USF3: variants seen among roughly 807,000 people sequenced by gnomAD.
USF3 encodes the protein upstream transcription factor family member 3, also known as basic helix-loop-helix domain-containing protein USF3.
A neutral mutation model predicts 157.5 loss-of-function variants in USF3; 29 were observed. The observed-to-expected ratio is 0.18, with a 90% CI of 0.14 to 0.25. The LOEUF is 0.25. Ranked by LOEUF, USF3 falls within the 10% of genes least tolerant of loss-of-function variation. USF3 has a pLI of 1.00. For synonymous variants in USF3, 893 were observed against 941.4 expected (o/e 0.95, Z 0.94); for missense variants, 2,381 against 2,667.6 (o/e 0.89, Z 2.37).
At position 113,658,664 on chromosome 3, in the gene USF3, T is replaced by C; in HGVS notation, c.3018A>G (p.Thr1006=). The C allele has an allele frequency of 6.2e-7, 1 of 1,613,746 alleles. No homozygotes were observed. Among genetic ancestry groups the C allele is most frequent in the Non-Finnish European group, 8.5e-7 (1 of 1,179,868 alleles). The change falls in exon 7 of 7, where the codon ACA becomes ACG. Residue 1006 remains threonine (T), a synonymous_variant. Coordinates refer to ENST00000316407, the MANE Select transcript of USF3 (RefSeq NM_001009899.4). ...TGLLKGQGLT[T]LLSDLAKKKN... is the part of the protein sequence containing the mutation. ...TTTTTTTAGCAAGATCAGATAGCAA[T>C]GTAGTTAAACCTTGCCCCTTTAAGA...
At position 113,655,672 on chromosome 3, in the gene USF3, T is replaced by G. The variant is rs370598522; in HGVS notation, c.6010A>C (p.Ser2004Arg). Residue 2004 changes from serine to arginine, a missense_variant, in exon 7 of 7, where the codon AGT becomes CGT. Around this residue, in one of 6 missense-constraint regions of USF3, gnomAD observed 770 missense variants for 824.2 expected, o/e 0.93. Coordinates refer to ENST00000316407, the MANE Select transcript of USF3 (RefSeq NM_001009899.4). Reference protein sequence around the residue: ...ERNRSGNQRQSTVFDPSLPHL... With the variant: ...ERNRSGNQRQRTVFDPSLPHL... ...GGAAGACTTGGATCAAAGACAGTAC[T>G]TTGCCTTTGGTTTCCAGAACGATTC... is the stretch of plus-strand genomic sequence containing the variant. The G allele has an allele frequency of 1.9e-6, 3 of 1,613,976 alleles. No homozygotes were observed. Among genetic ancestry groups the G allele is most frequent in the Non-Finnish European group, 2.5e-6 (3 of 1,179,940 alleles).
intron 1 of USF3, among the ~76,000 whole-genome samples, chr3:113,682,904 T>C (rs1190214218): frequency 6.6e-6 from 1 of 151,740 alleles, no homozygotes; most frequent in East Asian, 1.9e-4. Context: ...TTTTTTTTTT[T>C]TTTTCCTTTT....
rs879390280 is a variant in USF3 at position 113,693,320 on chromosome 3, C to A, written c.-135+3050G>T. Among the ~76,000 whole-genome samples, 8 of 152,160 alleles carry A rather than the reference C, an allele frequency of 5.3e-5. No individual in the cohort carries two copies. In the East Asian group the frequency reaches 1.5e-3, roughly 29 times the overall value. On this transcript the variant is annotated intron_variant, in intron 1 of 6. Coordinates refer to ENST00000316407, the MANE Select transcript of USF3 (RefSeq NM_001009899.4). The stretch of plus-strand genomic sequence containing the variant: ...AATGGTACCCCCTGGAGTTGCTCAA[C>A]ATGGAGGCCCTGGTTAGCAGTATGG...
intron 1 of USF3, among the ~76,000 whole-genome samples, chr3:113,682,087 G>A (rs1233886775): frequency 6.6e-6 from 1 of 152,174 alleles, no homozygotes; most frequent in African/African-American, 2.4e-5. Context: ...ACTTTGGGAG[G>A]CAGAAGTGGG....
chr3:113,659,651 C>T lies in USF3; in HGVS notation c.2031G>A (p.Met677Ile). Reference sequence around the variant, plus strand: ...TTTGATTTGTAGTTCCTGATGAAGACATCACAGGCTGCAAAGCAAAGAGCT... The same window carrying T: ...TTTGATTTGTAGTTCCTGATGAAGATATCACAGGCTGCAAAGCAAAGAGCT... ...NGQLFALQPV[M>I]SSSGTTNQTP... is the part of the protein sequence containing the mutation. The change falls in exon 7 of 7, where the codon ATG becomes ATA. Residue 677 changes from methionine (M) to isoleucine (I), a missense_variant. Physicochemically the swap from Met to Ile is conservative, Grantham distance 10 (BLOSUM62 1). Transcript: ENST00000316407. 2 of 1,614,176 alleles carry T rather than the reference C, an allele frequency of 1.2e-6. No homozygotes were observed. Among genetic ancestry groups the T allele is most frequent in the South Asian group, 1.1e-5 (1 of 91,078 alleles).
intron 1 of USF3, among the ~76,000 whole-genome samples, chr3:113,688,076 T>C (rs1434722332): frequency 6.6e-6 from 1 of 152,314 alleles, no homozygotes; most frequent in East Asian, 1.9e-4. Flanking sequence ...TTCTCCTCTG[T>C]TACTGAATGG....
chr3:113,680,970 T>A (rs1270350126), intron 1 of USF3, among the ~76,000 whole-genome samples: 1 of 152,084 alleles, frequency 6.6e-6, no homozygotes, highest in Non-Finnish European at 1.5e-5. Context: ...TATTTGAAGT[T>A]TTTCTACTTT....
chr3:113,670,662 A>G (rs2107938483), intron 4 of USF3, among the ~76,000 whole-genome samples: 1 of 152,270 alleles, frequency 6.6e-6, no homozygotes, highest in Non-Finnish European at 1.5e-5. Flanking sequence ...CTTATCAAAC[A>G]TTATCTACTA....
intron 5 of USF3, 108 bp downstream of exon 5, chr3:113,670,013 C>G: frequency 2.8e-6 from 2 of 702,910 alleles, no homozygotes; most frequent in Non-Finnish European, 5.0e-6. Context: ...TTCAAAAGAA[C>G]CATACATAGA....
chr3:113,657,260 C>T lies in USF3; in HGVS notation c.4422G>A (p.Gln1474=), dbSNP rs1410724558. 2.6e-6 allele frequency: 4 copies of T among 1,542,440 alleles called. No individual in the cohort carries two copies. The Admixed American group carries it at 5.9e-5, about 23-fold the overall frequency. The stretch of plus-strand genomic sequence containing the variant: ...TTAACTGCCCTGCTTGTTGTTGTTG[C>T]TGTTGCTGCTGCTGCTGCTGCTGCT... ...QQQQQQQQQQ[Q]QQQQAGQLRE... is the part of the protein sequence containing the mutation. Residue 1474 remains glutamine (Q), a synonymous_variant, in exon 7 of 7, where the codon CAG becomes CAA. Coordinates refer to ENST00000316407, the MANE Select transcript of USF3 (RefSeq NM_001009899.4).
chr3:113,651,953 C>G lies in USF3; in HGVS notation c.*2991G>C, dbSNP rs1014381559. On this transcript the variant is annotated 3_prime_UTR_variant, in exon 7 of 7. Transcript: ENST00000316407. ...AAGCAGGAAAATACAATTAATGCAACAGAAATACTTGAAAGTCACAGGCTT... is the reference window on the plus strand; with the variant it reads ...AAGCAGGAAAATACAATTAATGCAAGAGAAATACTTGAAAGTCACAGGCTT... The G allele has an allele frequency of 6.6e-6, 1 of 152,182 alleles. No homozygotes were observed. Among genetic ancestry groups the G allele is most frequent in the Non-Finnish European group, 1.5e-5 (1 of 68,034 alleles). The allele number at this position is 152,182 out of a possible 1,614,324, so 9.4% of individuals were successfully genotyped here.
At chr3:113,662,125 G>A (rs1457121137) in intron 6 of USF3, among the ~76,000 whole-genome samples, 1 of 152,202 alleles carries the variant, frequency 6.6e-6, no homozygotes, top group Non-Finnish European at 1.5e-5. Context: ...GGGATTACAG[G>A]CATGAGCCAC....
In USF3 at chr3:113,659,238, T is replaced by G; in HGVS notation, c.2444A>C (p.Asn815Thr). ...LAANKSACPLNSVRDVSKLDC... is the reference protein window; with the variant it reads ...LAANKSACPLTSVRDVSKLDC... ...TAACTTGCTCACATCTCTGACTGAA[T>G]TCAGGGGACACGCTGACTTGTTTGC... Residue 815 changes from asparagine (N) to threonine (T), a missense_variant, in exon 7 of 7, where the codon AAT becomes ACT. Coordinates refer to ENST00000316407, the MANE Select transcript of USF3 (RefSeq NM_001009899.4). 1 of 1,614,154 alleles carries G rather than the reference T, an allele frequency of 6.2e-7. No homozygotes were observed. The highest frequency in any genetic ancestry group is 8.5e-7 in the Non-Finnish European group (1 of 1,180,012).
chr3:113,660,679 A>G lies in USF3; in HGVS notation c.1003T>C (p.Phe335Leu). 1.9e-6 allele frequency: 3 copies of G among 1,614,116 alleles called. No homozygotes were observed. Among genetic ancestry groups the G allele is most frequent in the Non-Finnish European group, 2.5e-6 (3 of 1,180,018 alleles). The change falls in exon 7 of 7, where the codon TTT becomes CTT. Residue 335 changes from phenylalanine to leucine, a missense_variant. By Grantham distance (22) the Phe-to-Leu change is conservative. Around this residue, in one of 6 missense-constraint regions of USF3, gnomAD observed 1,435 missense variants for 1,550.9 expected, o/e 0.93. Transcript: ENST00000316407. ...ACTGTGGTGGTAACTGAAACAACAA[A>G]AGTGTTTTGAAAATCACCTCTGAAG... ...QDFRGDFQNT[F>L]VVSVTTTVCS...
rs1374010297 is a variant in USF3 at position 113,653,626 on chromosome 3, A to AC, written c.*1317dup. 1 of 149,154 alleles carries AC rather than the reference A, an allele frequency of 6.7e-6. No homozygotes were observed. The allele number at this position is 149,154 out of a possible 1,614,324, so 9.2% of individuals were successfully genotyped here. The stretch of plus-strand genomic sequence containing the variant: ...TATTAAAAAAAAAAAAAAAAAAAAA[A>AC]CCCTACCTATATCAAGTTCTTCTAT... On this transcript the variant is annotated 3_prime_UTR_variant, in exon 7 of 7. Transcript: ENST00000316407.
chr3:113,680,053 C>CTTTTTTTTTTTTTTTT (rs71131103), intron 1 of USF3, among the ~76,000 whole-genome samples: 286 of 58,546 alleles, frequency 4.9e-3, no homozygotes, highest in East Asian at 6.1e-3. Context: ...CTGTAGTTTT[C>CTTTTTTTTTTTTTTTT]TTTTTTTTTT....
chr3:113,691,934 C>T (rs1257738584), intron 1 of USF3, among the ~76,000 whole-genome samples: 1 of 152,160 alleles, frequency 6.6e-6, no homozygotes, highest in Non-Finnish European at 1.5e-5. Flanking sequence ...GCAGTGGTCC[C>T]AACCTTTTTG....
In USF3 at chr3:113,659,917, T is replaced by C; in HGVS notation, c.1765A>G (p.Asn589Asp). 1 of 1,614,176 alleles carries C rather than the reference T, an allele frequency of 6.2e-7. No homozygotes were observed. Among genetic ancestry groups the C allele is most frequent in the Non-Finnish European group, 8.5e-7 (1 of 1,180,030 alleles). ...QIVIIQAANQ[N>D]PLPLLPAPPP... ...GGAGCAGGGAGGAGTGGCAAAGGATTCTGATTAGCAGCCTGTATGATTACT... is the reference window on the plus strand; with the variant it reads ...GGAGCAGGGAGGAGTGGCAAAGGATCCTGATTAGCAGCCTGTATGATTACT... The change falls in exon 7 of 7, where the codon AAT becomes GAT. Residue 589 changes from asparagine (N) to aspartate (D), a missense_variant. Physicochemically the swap from Asn to Asp is conservative, Grantham distance 23. This residue lies in a region of USF3 where 1,435 missense variants were observed against 1,550.9 expected (regional missense o/e 0.93). Transcript: ENST00000316407.
In USF3 at chr3:113,661,099, G is replaced by A. The variant is rs769529626; in HGVS notation, c.583C>T (p.Pro195Ser). 1.9e-6 allele frequency: 3 copies of A among 1,614,198 alleles called. No homozygotes were observed. The highest frequency in any genetic ancestry group is 2.2e-5 in the East Asian group (1 of 44,888). ...PVQRTCNLVT[P>S]VSISGVYPSE... ...GGGTAAACTCCAGAAATAGATACAG[G>A]AGTCACAAGATTGCAAGTCCTCTGT... The change falls in exon 7 of 7, where the codon CCT (proline) becomes TCT (serine). Residue 195 changes from proline (P) to serine (S), a missense_variant. Pro to Ser is a moderately conservative substitution (Grantham distance 74, BLOSUM62 -1). Coordinates refer to ENST00000316407, the MANE Select transcript of USF3 (RefSeq NM_001009899.4).
Sources: allele counts gnomAD v4.1 joint callset (sites outside exome capture counted in the v4.1 genomes callset), GRCh38; gene constraint gnomAD v4.1.1; regional missense constraint gnomAD v4.1.1; transcripts MANE v1.5; gene names NCBI Gene and HGNC (gene_info 2026-07-23, HGNC 2026-07-21).